The following CHCHD6 variants were observed in gnomAD, a reference collection of about 807,000 sequenced individuals.
CHCHD6 encodes the protein coiled-coil-helix-coiled-coil-helix domain containing 6.
In CHCHD6, 28 loss-of-function variants were observed where a neutral mutation model predicts 32.3. That is an observed-to-expected ratio of 0.87 (90% CI 0.64 to 1.19). The LOEUF (loss-of-function observed/expected upper bound fraction) is 1.19, where lower values mean the gene tolerates loss of function less well. Among genes scored for constraint, CHCHD6 ranks in the 50% most tolerant of loss-of-function variants. The pLI, the probability that CHCHD6 is intolerant of heterozygous loss-of-function variation, is 0.00. For missense variants in CHCHD6, 333 were observed against 307.0 expected (o/e 1.08, Z -0.63); for synonymous variants, 122 against 117.5 (o/e 1.04, Z -0.25).
chr3:126,773,386 G>A (rs896722466), intron 4 of CHCHD6, among the ~76,000 whole-genome samples: 4 of 152,106 alleles, frequency 2.6e-5, no homozygotes, highest in African/African-American at 4.8e-5. Flanking sequence ...AATACCTGCC[G>A]TGCTCCCTGT....
chr3:126,714,402 G>A (rs1032133488), intron 1 of CHCHD6, among the ~76,000 whole-genome samples: 5 of 152,268 alleles, frequency 3.3e-5, no homozygotes, highest in African/African-American at 9.6e-5. Flanking sequence ...GCCTTTCTGG[G>A]ATTGACATCT....
intron 4 of CHCHD6, among the ~76,000 whole-genome samples, chr3:126,803,632 C>A (rs1468079992): frequency 6.6e-6 from 1 of 152,142 alleles, no homozygotes; most frequent in East Asian, 1.9e-4. Flanking sequence ...TTTAACACCC[C>A]ACTGTCAACA....
At chr3:126,722,055 CAT>C (rs1217788251) in intron 1 of CHCHD6, among the ~76,000 whole-genome samples, 2 of 152,224 alleles carry the variant, frequency 1.3e-5, no homozygotes, top group East Asian at 1.9e-4. Flanking sequence ...GATGTGAACA[CAT>C]GTTTTCATTT....
chr3:126,710,570 C>T (rs564720142), intron 1 of CHCHD6, among the ~76,000 whole-genome samples: 1 of 152,264 alleles, frequency 6.6e-6, no homozygotes, highest in East Asian at 1.9e-4. Flanking sequence ...TTAGTATACA[C>T]GAAATATCTC....
intron 6 of CHCHD6, among the ~76,000 whole-genome samples, chr3:126,920,534 C>T (rs1160372912): frequency 6.6e-6 from 1 of 152,158 alleles, no homozygotes; most frequent in Non-Finnish European, 1.5e-5. Flanking sequence ...CTGAAAATTC[C>T]ACTCTTTCAG....
chr3:126,811,928 C>T (rs911505859), intron 4 of CHCHD6, among the ~76,000 whole-genome samples: 10 of 152,162 alleles, frequency 6.6e-5, no homozygotes, highest in African/African-American at 2.4e-4. Context: ...TTTCACGTAG[C>T]CATGCAGCAA....
chr3:126,944,375 A>G lies in CHCHD6; in HGVS notation c.567-13041A>G, dbSNP rs148027253. Among the ~76,000 whole-genome samples the G allele has an allele frequency of 2.4e-4, 36 of 152,374 alleles. No individual in the cohort carries two copies. In the East Asian group the frequency reaches 5.2e-3, roughly 22 times the overall value. On this transcript the variant is annotated intron_variant, in intron 6 of 7. Transcript: ENST00000290913. Reference sequence around the variant, plus strand: ...AAGGTGGAGCCCCAATGACTTAATTATTGATGCTCTGCCTACCTCAATTTA... The same window carrying G: ...AAGGTGGAGCCCCAATGACTTAATTGTTGATGCTCTGCCTACCTCAATTTA...
intron 4 of CHCHD6, among the ~76,000 whole-genome samples, chr3:126,777,618 T>C (rs1354412714): frequency 6.6e-6 from 1 of 152,176 alleles, no homozygotes; most frequent in Non-Finnish European, 1.5e-5. Flanking sequence ...CACTCCATAC[T>C]TCCCACTCTG....
At chr3:126,706,519 T>C (rs1429333118) in intron 1 of CHCHD6, among the ~76,000 whole-genome samples, 1 of 152,102 alleles carries the variant, frequency 6.6e-6, no homozygotes, top group Non-Finnish European at 1.5e-5. Flanking sequence ...CCCCACTTAG[T>C]TTTAAAACTG....
intron 5 of CHCHD6, among the ~76,000 whole-genome samples, chr3:126,868,737 G>T (rs1275318053): frequency 1.3e-5 from 2 of 152,152 alleles, no homozygotes; most frequent in African/African-American, 4.8e-5. Context: ...AAATCTATGT[G>T]CATGTGCCAT....
chr3:126,802,159 C>T (rs1385911212), intron 4 of CHCHD6, among the ~76,000 whole-genome samples: 1 of 152,330 alleles, frequency 6.6e-6, no homozygotes, highest in Admixed American at 6.5e-5. Context: ...CAGAGTGCCT[C>T]TCCTCCTCCA....
At chr3:126,886,889 C>A (rs757828833) in intron 5 of CHCHD6, among the ~76,000 whole-genome samples, 1 of 152,178 alleles carries the variant, frequency 6.6e-6, no homozygotes, top group Admixed American at 6.5e-5. Context: ...GTGACCCCAC[C>A]CCATCAGAAG....
At chr3:126,784,710 A>G (rs986281187) in intron 4 of CHCHD6, among the ~76,000 whole-genome samples, 1 of 152,182 alleles carries the variant, frequency 6.6e-6, no homozygotes, top group East Asian at 1.9e-4. Flanking sequence ...TTCATGGAAG[A>G]AAAAAGGGGC....
At chr3:126,952,311 G>C (rs932140576) in intron 6 of CHCHD6, among the ~76,000 whole-genome samples, 3 of 152,124 alleles carry the variant, frequency 2.0e-5, no homozygotes, top group African/African-American at 4.8e-5. Flanking sequence ...TGGTGCTGCC[G>C]ACCCAACTGA....
intron 5 of CHCHD6, among the ~76,000 whole-genome samples, chr3:126,873,104 C>T (rs1413635630): frequency 6.6e-6 from 1 of 152,210 alleles, no homozygotes; most frequent in African/African-American, 2.4e-5. Context: ...TTCCAGTAGG[C>T]ATTCCCCATC....
At chr3:126,832,441 C>T (rs1940684092) in intron 4 of CHCHD6, among the ~76,000 whole-genome samples, 1 of 152,150 alleles carries the variant, frequency 6.6e-6, no homozygotes, top group Non-Finnish European at 1.5e-5. Context: ...CATAACATCC[C>T]ACTCAGTGCC....
chr3:126,920,980 C>G (rs189940311), intron 6 of CHCHD6, among the ~76,000 whole-genome samples: 1 of 151,838 alleles, frequency 6.6e-6, no homozygotes, highest in Non-Finnish European at 1.5e-5. Context: ...TTTTTTCCCT[C>G]GGGGAAGAGC....
chr3:126,795,254 C>T (rs931497322), intron 4 of CHCHD6, among the ~76,000 whole-genome samples: 3 of 152,156 alleles, frequency 2.0e-5, no homozygotes, highest in Non-Finnish European at 4.4e-5. Context: ...GGTGTTTTCC[C>T]TAAAACAGGG....
At chr3:126,934,251 A>G (rs1213736243) in intron 6 of CHCHD6, among the ~76,000 whole-genome samples, 1 of 152,218 alleles carries the variant, frequency 6.6e-6, no homozygotes, top group East Asian at 1.9e-4. Flanking sequence ...GGGTTCTTTG[A>G]ATTTCACAGA....
Sources: allele counts gnomAD v4.1 joint callset (sites outside exome capture counted in the v4.1 genomes callset), GRCh38; gene constraint gnomAD v4.1.1; transcripts MANE v1.5; gene names NCBI Gene and HGNC (gene_info 2026-07-23, HGNC 2026-07-21).